Variants in CADPS observed in about 807,000 individuals in gnomAD.
CADPS encodes the protein calcium-dependent secretion activator 1.
Under a neutral mutation model 167.3 loss-of-function variants are expected in CADPS, and 57 were observed. That is an observed-to-expected ratio of 0.34 (90% CI 0.28 to 0.42). The LOEUF (loss-of-function observed/expected upper bound fraction) is 0.42. CADPS is among the 20% of genes least tolerant of loss of function. The pLI is 1.00. For synonymous variants in CADPS, 676 were observed against 635.3 expected (o/e 1.06, Z -0.96); for missense variants, 1,414 against 1,738.1 (o/e 0.81, Z 3.32).
intron 2 of CADPS, among the ~76,000 whole-genome samples, chr3:62,762,547 A>ATG: frequency 6.7e-6 from 1 of 149,602 alleles, no homozygotes; most frequent in Non-Finnish European, 1.5e-5. Context: ...GTCCAACTAT[A>ATG]TGGGAGGCTG....
Position 62,635,470 on chromosome 3 carries a change from G to T in CADPS, c.1325+10252C>A, listed in dbSNP as rs537010572. On this transcript the variant is annotated intron_variant, in intron 6 of 29. Coordinates refer to ENST00000383710, the MANE Select transcript of CADPS (RefSeq NM_003716.4). ...CACCCTGTCATTATTAGATTGTATA[G>T]TGTGCTACTTGCTAAAAGTCAAATT... Among the ~76,000 whole-genome samples the T allele has an allele frequency of 2.6e-5, 4 of 152,296 alleles. No homozygotes were observed. In the South Asian group the frequency reaches 8.3e-4, roughly 32 times the overall value.
In CADPS at chr3:62,874,873, C is replaced by T. The variant is rs749038689; in HGVS notation, c.157G>A (p.Ala53Thr). The change falls in exon 1 of 30, where the codon GCC (alanine) becomes ACC (threonine). Residue 53 changes from alanine (A) to threonine (T), a missense_variant. Ala to Thr is a moderately conservative substitution (Grantham distance 58). Coordinates refer to ENST00000383710, the MANE Select transcript of CADPS (RefSeq NM_003716.4). This position sits in a 1 kb window ranked among gnomAD's most constrained non-coding sequence, Gnocchi z 7.1. ...AGSAGLGGGG[A>T]GAGAGVGAGG... ...GCACCCACCCCGGCTCCGGCGCCGG[C>T]GCCGCCGCCCCCCAGCCCGGCGCTG... The T allele has an allele frequency of 2.7e-4, 307 of 1,148,434 alleles. 2 individuals carry two copies. Among genetic ancestry groups the T allele is most frequent in the South Asian group, 7.8e-5 (2 of 25,740 alleles). The allele number at this position is 1,148,434 out of a possible 1,614,324, so 71.1% of individuals were successfully genotyped here.
chr3:62,782,283 T>TCATC (rs1165608100), intron 1 of CADPS, among the ~76,000 whole-genome samples: 3 of 152,182 alleles, frequency 2.0e-5, no homozygotes, highest in Non-Finnish European at 2.9e-5. Flanking sequence ...AAGGCCTAAT[T>TCATC]CATCCATCCA....
chr3:62,465,169 A>C lies in CADPS; in HGVS notation c.3636+198T>G, dbSNP rs535084536. Among the ~76,000 whole-genome samples, 10 of 152,326 alleles carry C rather than the reference A, an allele frequency of 6.6e-5. No individual in the cohort carries two copies. In the East Asian group the frequency reaches 1.7e-3, roughly 26 times the overall value. On this transcript the variant is annotated intron_variant, in intron 26 of 29. Transcript: ENST00000383710. The surrounding 1 kb of genome is among the most constrained non-coding windows in gnomAD (Gnocchi z 4.1). ...AAATACACACATATTGTACCTTTAC[A>C]AATGAAATAGAAATGATGTTGGATT...
intron 3 of CADPS, among the ~76,000 whole-genome samples, chr3:62,676,118 C>G (rs920608106): frequency 4.6e-5 from 7 of 152,124 alleles, no homozygotes; most frequent in African/African-American, 1.7e-4. Flanking sequence ...CAGATCAATA[C>G]TCTGCCCTTT....
At chr3:62,413,578 A>T (rs992742508) in intron 28 of CADPS, among the ~76,000 whole-genome samples, 5 of 152,300 alleles carry the variant, frequency 3.3e-5, no homozygotes, top group Admixed American at 1.3e-4. Context: ...AACAGTCAGA[A>T]AGTAGAACAG....
At chr3:62,788,968 T>G (rs1348709322) in intron 1 of CADPS, among the ~76,000 whole-genome samples, 2 of 152,218 alleles carry the variant, frequency 1.3e-5, no homozygotes, top group African/African-American at 4.8e-5. Flanking sequence ...TGGCTCCATA[T>G]TCAATGCTGG....
At chr3:62,619,191 C>T (rs58801937) in intron 6 of CADPS, among the ~76,000 whole-genome samples, 9,257 of 152,228 alleles carry the variant, frequency 0.061, 353 homozygotes, top group South Asian at 0.14. Context: ...ATAGAAAAGT[C>T]TGGTGACTAC....
intron 3 of CADPS, among the ~76,000 whole-genome samples, chr3:62,724,829 A>G (rs2076446157): frequency 6.6e-6 from 1 of 152,196 alleles, no homozygotes; most frequent in Admixed American, 6.5e-5. Context: ...ATACCTCTCC[A>G]CTGCTGAAAA....
intron 24 of CADPS, among the ~76,000 whole-genome samples, chr3:62,471,748 A>G (rs1244095664): frequency 6.6e-6 from 1 of 152,200 alleles, no homozygotes; most frequent in African/African-American, 2.4e-5. Context: ...GTACATCTCA[A>G]GAAGATTTAA....
chr3:62,537,042 A>C (rs539774758), intron 11 of CADPS, among the ~76,000 whole-genome samples: 7 of 152,328 alleles, frequency 4.6e-5, no homozygotes, highest in African/African-American at 1.7e-4. Context: ...GATTTTCAGC[A>C]AAGTGACAAT....
intron 11 of CADPS, among the ~76,000 whole-genome samples, chr3:62,539,667 A>G (rs965051430): frequency 1.3e-5 from 2 of 152,156 alleles, no homozygotes; most frequent in Non-Finnish European, 2.9e-5. Flanking sequence ...AGTACCTGGC[A>G]CGTAGTAGGC....
chr3:62,634,090 C>A (rs1199326764), intron 6 of CADPS, among the ~76,000 whole-genome samples: 1 of 152,092 alleles, frequency 6.6e-6, no homozygotes, highest in Non-Finnish European at 1.5e-5. Context: ...GGTTGTTAAG[C>A]TTTTTCTCCT....
Position 62,403,136 on chromosome 3 carries a change from C to T in CADPS, c.3827G>A (p.Arg1276Gln). The change falls in exon 29 of 30, where the codon CGG (arginine) becomes CAG (glutamine). Residue 1276 changes from arginine (R) to glutamine (Q), a missense_variant. Coordinates refer to ENST00000383710, the MANE Select transcript of CADPS (RefSeq NM_003716.4). ...MNVICTWLTD[R>Q]MDLQLHIYQL... Reference sequence around the variant, plus strand: ...ATAAATATGAAGCTGTAAGTCCATCCGGTCCGTCAACCAGGTGCAGATCAC... The same window carrying T: ...ATAAATATGAAGCTGTAAGTCCATCTGGTCCGTCAACCAGGTGCAGATCAC... 1.2e-6 allele frequency: 2 copies of T among 1,613,496 alleles called. No homozygotes were observed. Among genetic ancestry groups the T allele is most frequent in the Non-Finnish European group, 1.7e-6 (2 of 1,179,556 alleles).
intron 7 of CADPS, among the ~76,000 whole-genome samples, chr3:62,587,206 C>T (rs978452024): frequency 3.3e-5 from 5 of 152,120 alleles, no homozygotes; most frequent in African/African-American, 9.7e-5. Context: ...CTTCTGAGGT[C>T]GCTTATTTTG....
intron 3 of CADPS, among the ~76,000 whole-genome samples, chr3:62,706,001 C>T (rs1429160033): frequency 6.6e-6 from 1 of 152,040 alleles, no homozygotes; most frequent in Non-Finnish European, 1.5e-5. Context: ...CGTCCAAGGC[C>T]CTGCTTTGTG....
At chr3:62,791,776 T>C (rs1259851808) in intron 1 of CADPS, among the ~76,000 whole-genome samples, 3 of 152,220 alleles carry the variant, frequency 2.0e-5, no homozygotes, top group South Asian at 2.1e-4. Context: ...GTTCTGGCAA[T>C]GCCCTTTCCT....
intron 3 of CADPS, among the ~76,000 whole-genome samples, chr3:62,731,529 G>C (rs1238767363): frequency 1.3e-5 from 2 of 151,908 alleles, no homozygotes; most frequent in African/African-American, 4.8e-5. Flanking sequence ...TGCTTTGTTG[G>C]CATGTATACT....
rs548538320 is a variant in CADPS, at chr3:62,478,850, G to A, written c.3174-434C>T. Among the ~76,000 whole-genome samples the A allele has an allele frequency of 4.6e-5, 7 of 152,310 alleles. No homozygotes were observed. The East Asian group carries it at 9.6e-4, about 21-fold the overall frequency. On this transcript the variant is annotated intron_variant, in intron 22 of 29. Coordinates refer to ENST00000383710, the MANE Select transcript of CADPS (RefSeq NM_003716.4). This position sits in a 1 kb window ranked among gnomAD's most constrained non-coding sequence, Gnocchi z 5.7. Reference sequence around the variant, plus strand: ...CATTTCCCCAGCTCCCCTCCAGAGTGGAGACCTCTTGGAGATTGCACAAGA... The same window carrying A: ...CATTTCCCCAGCTCCCCTCCAGAGTAGAGACCTCTTGGAGATTGCACAAGA...
Sources: gnomAD v4.1 joint callset for allele counts (sites outside exome capture counted in the v4.1 genomes callset) on GRCh38, gnomAD v4.1.1 for gene constraint, Gnocchi (gnomAD v3.1) non-coding constraint, MANE v1.5 for transcripts, NCBI Gene and HGNC (gene_info 2026-07-23, HGNC 2026-07-21) for gene names.